Variants in ARHGEF28 observed in about 807,000 individuals in gnomAD.
ARHGEF28 encodes 190 kDa guanine nucleotide exchange factor.
ARHGEF28 carries 152 observed loss-of-function variants against 206.6 expected under a neutral mutation model. The ratio of observed to expected loss-of-function variants is 0.74; its 90% CI spans 0.64 to 0.84. ARHGEF28 has a LOEUF of 0.84. Among genes scored for constraint, ARHGEF28 ranks in the 40% least tolerant of loss-of-function variants. The pLI, the probability that ARHGEF28 is intolerant of heterozygous loss-of-function variation, is 0.00. For synonymous variants in ARHGEF28, 763 were observed against 776.4 expected (o/e 0.98, Z 0.29); for missense variants, 2,028 against 2,073.2 (o/e 0.98, Z 0.42).
chr5:73,930,552 C>T (rs933254708), intron 35 of ARHGEF28, among the ~76,000 whole-genome samples: 2 of 152,132 alleles, frequency 1.3e-5, no homozygotes, highest in Non-Finnish European at 2.9e-5. Flanking sequence ...TTTACAATGA[C>T]ACGTGAACAC....
Position 73,795,393 on chromosome 5 carries a change from T to C in ARHGEF28, c.1024+2T>C, listed in dbSNP as rs1754740810. ...AAGACCAGCACAGCCTAGATTTGGG[T>C]ATGAAATAACGCTTTTACCTATACT... On this transcript the variant is annotated splice_donor_variant, in intron 9 of 35. Coordinates refer to ENST00000513042, the MANE Select transcript of ARHGEF28 (RefSeq NM_001177693.2). LOFTEE classifies it high-confidence loss of function. 2 of 1,612,802 alleles carry C rather than the reference T, an allele frequency of 1.2e-6. No individual in the cohort carries two copies. The highest frequency in any genetic ancestry group is 1.7e-6 in the Non-Finnish European group (2 of 1,179,004).
At position 73,805,737 on chromosome 5, in the gene ARHGEF28, C is replaced by T. The variant is rs117812730; in HGVS notation, c.1024+10346C>T. Among the ~76,000 whole-genome samples the T allele has an allele frequency of 1.6e-4, 24 of 152,152 alleles. No homozygotes were observed. The East Asian group carries it at 3.5e-3, about 22-fold the overall frequency. ...CATGTTCAGTTAACATAGATACACA[C>T]GGTTGCATACAGAAATATTTGTAGA... On this transcript the variant is annotated intron_variant, in intron 9 of 35. Transcript: ENST00000513042.
intron 3 of ARHGEF28, among the ~76,000 whole-genome samples, chr5:73,751,881 G>A (rs1752035013): frequency 6.6e-6 from 1 of 151,388 alleles, no homozygotes; most frequent in African/African-American, 2.4e-5. Flanking sequence ...TGGGAGGTGG[G>A]TGCATTCTGT....
intron 4 of ARHGEF28, among the ~76,000 whole-genome samples, chr5:73,772,207 A>G (rs766899996): frequency 6.6e-6 from 1 of 152,150 alleles, no homozygotes. Context: ...AGAGCTTTGT[A>G]GAAACCTGGC....
intron 4 of ARHGEF28, among the ~76,000 whole-genome samples, chr5:73,762,689 G>C (rs1752671980): frequency 6.6e-6 from 1 of 151,778 alleles, no homozygotes; most frequent in Non-Finnish European, 1.5e-5. Context: ...TTATAGTCTT[G>C]ATTTTTTTTT....
At chr5:73,634,870 G>A (rs564692203) in intron 1 of ARHGEF28, among the ~76,000 whole-genome samples, 1 of 152,230 alleles carries the variant, frequency 6.6e-6, no homozygotes, top group African/African-American at 2.4e-5. Flanking sequence ...CCAGCCCCAA[G>A]CCAACCTATT....
rs969079850 is a variant in ARHGEF28, at chr5:73,857,586, CAT to C, written c.1791-68_1791-67del. The C allele has an allele frequency of 4.6e-3, 6,241 of 1,366,432 alleles. 21 individuals carry two copies. The highest frequency in any genetic ancestry group is 5.2e-3 in the Non-Finnish European group (5,165 of 999,856). 84.6% of individuals were successfully genotyped at this position (1,366,432 alleles called of 1,614,324 possible). On this transcript the variant is annotated intron_variant, in intron 14 of 35. Transcript: ENST00000513042. ...GTGTACACACACACACACACACACACATACACACACACGTATATGCTATTCTT... is the reference window on the plus strand; with the variant it reads ...GTGTACACACACACACACACACACACACACACACACGTATATGCTATTCTT...
chr5:73,709,042 G>A (rs901285475), intron 2 of ARHGEF28, among the ~76,000 whole-genome samples: 1 of 151,904 alleles, frequency 6.6e-6, no homozygotes, highest in Non-Finnish European at 1.5e-5. Context: ...GGGGTTATTT[G>A]TTTTTGGCTT....
At chr5:73,633,570 ATTTTTT>A (rs764440038) in intron 1 of ARHGEF28, among the ~76,000 whole-genome samples, 6 of 101,060 alleles carry the variant, frequency 5.9e-5, no homozygotes, top group South Asian at 6.3e-4. Flanking sequence ...AATACCTTTA[ATTTTTT>A]TTTTTTTTTT....
At chr5:73,752,851 C>G in intron 3 of ARHGEF28, 58 bp from the exon 4 acceptor site, 1 of 1,585,850 alleles carries the variant, frequency 6.3e-7, no homozygotes, top group South Asian at 1.1e-5. Context: ...CACATTGGAC[C>G]CCTGTGAGAG....
At chr5:73,786,349 A>T (rs1201504797) in intron 7 of ARHGEF28, 1 of 152,242 alleles carries the variant, frequency 6.6e-6, no homozygotes, top group Non-Finnish European at 1.5e-5. Context: ...AGCCGTCAGA[A>T]CTCAGGTGAT....
chr5:73,641,503 A>G (rs1314548481), intron 1 of ARHGEF28, among the ~76,000 whole-genome samples: 1 of 152,016 alleles, frequency 6.6e-6, no homozygotes, highest in Non-Finnish European at 1.5e-5. Context: ...CCATATCAGA[A>G]ATGTTTAGGG....
chr5:73,855,863 G>T (rs774963892), intron 14 of ARHGEF28, among the ~76,000 whole-genome samples: 9 of 152,298 alleles, frequency 5.9e-5, no homozygotes, highest in Non-Finnish European at 1.2e-4. Context: ...AAGGGAGTTG[G>T]GAGTAGAGTT....
chr5:73,682,730 A>G (rs1274993899), intron 1 of ARHGEF28, among the ~76,000 whole-genome samples: 1 of 152,146 alleles, frequency 6.6e-6, no homozygotes, highest in Non-Finnish European at 1.5e-5. Context: ...CATTCTTAAG[A>G]GAAGCCTCTA....
At chr5:73,895,656 C>T (rs1287754590) in intron 29 of ARHGEF28, among the ~76,000 whole-genome samples, 1 of 152,182 alleles carries the variant, frequency 6.6e-6, no homozygotes, top group African/African-American at 2.4e-5. Flanking sequence ...CCACGGACTA[C>T]ACACATCCCA....
At chr5:73,897,873 G>A in intron 29 of ARHGEF28, 89 bp from the exon 30 acceptor site, 1 of 1,404,220 alleles carries the variant, frequency 7.1e-7, no homozygotes, top group Non-Finnish European at 9.6e-7. Context: ...AACAGGGACA[G>A]GCCAAATGCG....
intron 33 of ARHGEF28, among the ~76,000 whole-genome samples, chr5:73,908,040 G>A (rs1561183980): frequency 6.6e-6 from 1 of 152,144 alleles, no homozygotes; most frequent in Admixed American, 6.5e-5. Flanking sequence ...AGAGTCCTGA[G>A]TGGCTTATTG....
At position 73,626,257 on chromosome 5, in the gene ARHGEF28, C is replaced by T. The variant is rs1742988239; in HGVS notation, c.-77C>T. The T allele has an allele frequency of 6.6e-6, 1 of 151,642 alleles. No homozygotes were observed. The highest frequency in any genetic ancestry group is 2.0e-4 in the East Asian group (1 of 5,110). 9.4% of individuals were successfully genotyped at this position (151,642 alleles called of 1,614,324 possible). A position where few individuals can be genotyped will look rare whatever the true frequency, so the allele number is the denominator to read the frequency against. ...CTGGCTGGGGGCGCGTTCCGAGGCG[C>T]CCTCAGGCAGGGCGCGGGGGCAGAG... On this transcript the variant is annotated 5_prime_UTR_variant, in exon 1 of 36. Coordinates refer to ENST00000513042, the MANE Select transcript of ARHGEF28 (RefSeq NM_001177693.2).
At chr5:73,864,529 G>T (rs1187156126) in intron 16 of ARHGEF28, among the ~76,000 whole-genome samples, 1 of 152,140 alleles carries the variant, frequency 6.6e-6, no homozygotes, top group Non-Finnish European at 1.5e-5. Flanking sequence ...AGACACAGAA[G>T]CATTGCAGAA....
Sources: allele counts gnomAD v4.1 joint callset (sites outside exome capture counted in the v4.1 genomes callset), GRCh38; gene constraint gnomAD v4.1.1; transcripts MANE v1.5; gene names NCBI Gene and HGNC (gene_info 2026-07-23, HGNC 2026-07-21).